UNC5C: variants seen among roughly 807,000 people sequenced by gnomAD.
The protein encoded by UNC5C is unc-5 netrin receptor C.
Under a neutral mutation model 99.8 loss-of-function variants are expected in UNC5C, and 47 were observed. The observed-to-expected ratio is 0.47, with a 90% CI of 0.37 to 0.60. UNC5C has a LOEUF of 0.60. UNC5C is among the 20% of genes least tolerant of loss of function. The pLI is 0.00. For missense variants in UNC5C, 1,062 were observed against 1,165.9 expected, an observed-to-expected ratio of 0.91 and a Z score of 1.30; for synonymous variants, 487 against 452.2, an observed-to-expected ratio of 1.08 and a Z score of -0.98.
intron 1 of UNC5C, among the ~76,000 whole-genome samples, chr4:95,418,304 T>C (rs1746226356): frequency 6.6e-6 from 1 of 152,222 alleles, no homozygotes; most frequent in Non-Finnish European, 1.5e-5. Context: ...TCTCTTTCAA[T>C]GTTCAATTCT....
At chr4:95,258,508 A>T (rs927887591) in intron 4 of UNC5C, among the ~76,000 whole-genome samples, 1 of 152,194 alleles carries the variant, frequency 6.6e-6, no homozygotes, top group East Asian at 1.9e-4. Flanking sequence ...ACTTGTTGTC[A>T]TGGTTGCAAT....
At chr4:95,389,520 T>G (rs1370864236) in intron 1 of UNC5C, among the ~76,000 whole-genome samples, 1 of 152,186 alleles carries the variant, frequency 6.6e-6, no homozygotes, top group Non-Finnish European at 1.5e-5. Flanking sequence ...CTATCTAGCA[T>G]TTGAAATGTG....
At chr4:95,477,976 A>G (rs1042466228) in intron 1 of UNC5C, among the ~76,000 whole-genome samples, 5 of 151,996 alleles carry the variant, frequency 3.3e-5, no homozygotes, top group African/African-American at 4.8e-5. Context: ...AAATAAGTTC[A>G]TATATGTAAA....
chr4:95,266,826 A>T (rs1430445945), intron 4 of UNC5C, among the ~76,000 whole-genome samples: 1 of 152,224 alleles, frequency 6.6e-6, no homozygotes, highest in Non-Finnish European at 1.5e-5. Flanking sequence ...AGACAGAGAA[A>T]TATGGATTAA....
intron 1 of UNC5C, among the ~76,000 whole-genome samples, chr4:95,446,938 T>C (rs1346870448): frequency 6.6e-6 from 1 of 152,212 alleles, no homozygotes; most frequent in African/African-American, 2.4e-5. Flanking sequence ...TCATTCCCTA[T>C]GCACAGCTTA....
chr4:95,345,947 G>C (rs1417164501), intron 1 of UNC5C, among the ~76,000 whole-genome samples: 1 of 151,662 alleles, frequency 6.6e-6, no homozygotes, highest in African/African-American at 2.4e-5. Flanking sequence ...TAATAAACTG[G>C]AGAAGCTATA....
At chr4:95,423,820 C>G (rs1182567364) in intron 1 of UNC5C, among the ~76,000 whole-genome samples, 1 of 152,106 alleles carries the variant, frequency 6.6e-6, no homozygotes, top group African/African-American at 2.4e-5. Context: ...TGATTAAGAG[C>G]CAGGCTATAG....
intron 1 of UNC5C, among the ~76,000 whole-genome samples, chr4:95,480,619 C>G (rs1721113318): frequency 6.6e-6 from 1 of 151,626 alleles, no homozygotes; most frequent in Non-Finnish European, 1.5e-5. Context: ...CAAGTTAGCC[C>G]TTGATAAGAA....
intron 2 of UNC5C, among the ~76,000 whole-genome samples, chr4:95,324,623 T>C (rs942885404): frequency 6.6e-6 from 1 of 152,114 alleles, no homozygotes; most frequent in Non-Finnish European, 1.5e-5. Flanking sequence ...CAAATTCGTA[T>C]GTTGAAATAC....
chr4:95,194,201 A>C (rs1291391117), intron 12 of UNC5C, among the ~76,000 whole-genome samples: 1 of 151,994 alleles, frequency 6.6e-6, no homozygotes, highest in Non-Finnish European at 1.5e-5. Context: ...TCACTTGTCT[A>C]CCTCTGGGCG....
chr4:95,513,723 G>A (rs958387787), intron 1 of UNC5C, among the ~76,000 whole-genome samples: 4 of 152,144 alleles, frequency 2.6e-5, no homozygotes, highest in Non-Finnish European at 4.4e-5. Flanking sequence ...CAGCTTTAGA[G>A]CAGGCTGGCA....
At chr4:95,341,304 T>C (rs1028294163) in intron 1 of UNC5C, among the ~76,000 whole-genome samples, 1 of 152,090 alleles carries the variant, frequency 6.6e-6, no homozygotes, top group Non-Finnish European at 1.5e-5. Context: ...AACTGAGGAA[T>C]GGTTAAATAA....
intron 9 of UNC5C, among the ~76,000 whole-genome samples, chr4:95,217,594 A>T (rs774393764): frequency 1.3e-5 from 2 of 152,240 alleles, no homozygotes; most frequent in African/African-American, 4.8e-5. Flanking sequence ...TATGTTGATC[A>T]CCATTGCCTA....
At chr4:95,374,543 C>T (rs1020355957) in intron 1 of UNC5C, among the ~76,000 whole-genome samples, 4 of 152,088 alleles carry the variant, frequency 2.6e-5, no homozygotes, top group African/African-American at 9.7e-5. Context: ...AGCAAGGCTT[C>T]TACTTGAGAG....
At chr4:95,178,169 A>G (rs1328779438) in intron 14 of UNC5C, among the ~76,000 whole-genome samples, 1 of 152,126 alleles carries the variant, frequency 6.6e-6, no homozygotes, top group Admixed American at 6.5e-5. Flanking sequence ...CCGTGACTTG[A>G]CCTGACTCAT....
At chr4:95,296,966 T>C (rs949885817) in intron 3 of UNC5C, among the ~76,000 whole-genome samples, 9 of 152,194 alleles carry the variant, frequency 5.9e-5, no homozygotes, top group African/African-American at 2.2e-4. Flanking sequence ...GGTGAAAGTC[T>C]CAGCTTCTCT....
chr4:95,182,625 C>T (rs1736657856), intron 14 of UNC5C, among the ~76,000 whole-genome samples: 1 of 152,116 alleles, frequency 6.6e-6, no homozygotes, highest in Admixed American at 6.5e-5. Flanking sequence ...AAATTCAGAT[C>T]TGTTTTTACA....
intron 1 of UNC5C, among the ~76,000 whole-genome samples, chr4:95,445,978 AAAAC>A (rs1296529908): frequency 3.3e-5 from 5 of 152,004 alleles, no homozygotes; most frequent in Non-Finnish European, 7.4e-5. Context: ...AAAACAAAAC[AAAAC>A]AAACAAACAA....
intron 1 of UNC5C, among the ~76,000 whole-genome samples, chr4:95,408,797 A>G (rs57463740): frequency 0.053 from 8,004 of 152,264 alleles, 454 homozygotes; most frequent in African/African-American, 0.14. Flanking sequence ...ATTTCTCTTC[A>G]AATATGAGAT....
Sources: allele counts gnomAD v4.1 joint callset (sites outside exome capture counted in the v4.1 genomes callset), GRCh38; gene constraint gnomAD v4.1.1; transcripts MANE v1.5; gene names NCBI Gene and HGNC (gene_info 2026-07-23, HGNC 2026-07-21).